PEX5L: variants seen among roughly 807,000 people sequenced by gnomAD.
The protein encoded by PEX5L is peroxisomal biogenesis factor 5 like, also known as PEX5-related protein.
Under a neutral mutation model 84.0 loss-of-function variants are expected in PEX5L, and 30 were observed. The observed-to-expected ratio is 0.36, with a 90% CI of 0.27 to 0.48. The LOEUF is 0.48. Ranked by LOEUF, PEX5L falls within the 20% of genes least tolerant of loss-of-function variation. The probability of loss-of-function intolerance (pLI) is 0.99; values close to 1 mark genes in which losing one functional copy is unlikely to be tolerated. For synonymous variants in PEX5L, 270 were observed against 283.1 expected (o/e 0.95, Z 0.46); for missense variants, 533 against 754.6 (o/e 0.71, Z 3.44).
intron 7 of PEX5L, among the ~76,000 whole-genome samples, chr3:179,864,007 G>A (rs1399526780): frequency 1.3e-5 from 2 of 152,044 alleles, no homozygotes; most frequent in African/African-American, 4.8e-5. Flanking sequence ...GAGTTTCCCT[G>A]CACAAGCTCT....
At position 179,986,398 on chromosome 3, in the gene PEX5L, T is replaced by C. The variant is rs1042757148; in HGVS notation, c.22-14733A>G. ...ATGGAAAGTCCTAACCATTTAGTAA[T>C]TTTTTTTTTTTTTTTTTTTTTTGAG... On this transcript the variant is annotated intron_variant, in intron 1 of 14. Coordinates refer to ENST00000467460, the MANE Select transcript of PEX5L (RefSeq NM_016559.3). 1.9e-4 allele frequency among the ~76,000 whole-genome samples: 5 copies of C among 26,406 alleles called. No individual in the cohort carries two copies. In the African/African-American group the frequency reaches 2.5e-3, roughly 13 times the overall value. 17.3% of individuals were successfully genotyped at this position (26,406 alleles called of 152,430 possible).
At chr3:180,002,111 G>A (rs1280612516) in intron 1 of PEX5L, among the ~76,000 whole-genome samples, 3 of 152,050 alleles carry the variant, frequency 2.0e-5, no homozygotes, top group Admixed American at 6.6e-5. Flanking sequence ...AGGTATGAAT[G>A]TACCATGAAC....
Position 179,829,143 on chromosome 3 carries a change from T to C in PEX5L, c.823-9167A>G, listed in dbSNP as rs1731691678. Among the ~76,000 whole-genome samples, 7 of 152,112 alleles carry C rather than the reference T, an allele frequency of 4.6e-5. No homozygotes were observed. The South Asian group carries it at 1.4e-3, about 32-fold the overall frequency. On this transcript the variant is annotated intron_variant, in intron 8 of 14. Transcript: ENST00000467460. ...ACATGAAAAAATGAAAACAGTTAAT[T>C]TATTAGTCTAGTGGGATTGCTGGGG...
At chr3:179,940,339 G>A (rs1206460540) in intron 2 of PEX5L, among the ~76,000 whole-genome samples, 2 of 151,992 alleles carry the variant, frequency 1.3e-5, no homozygotes, top group African/African-American at 4.8e-5. Flanking sequence ...AAGAGGTGGT[G>A]AGAGAGAGAG....
Position 179,795,200 on chromosome 3 carries a change from C to T in PEX5L, c.*6628G>A, listed in dbSNP as rs1375116305. 1 of 152,102 alleles carries T rather than the reference C, an allele frequency of 6.6e-6. No homozygotes were observed. The highest frequency in any genetic ancestry group is 1.5e-5 in the Non-Finnish European group (1 of 68,016). 9.4% of individuals were successfully genotyped at this position (152,102 alleles called of 1,614,324 possible). ...CCATTTGATCAGAAGGAGTTCTGAT[C>T]CCCAAATCCCATTTTGAAAGATTCC... On this transcript the variant is annotated 3_prime_UTR_variant, in exon 15 of 15. Coordinates refer to ENST00000467460, the MANE Select transcript of PEX5L (RefSeq NM_016559.3).
intron 3 of PEX5L, among the ~76,000 whole-genome samples, chr3:179,891,961 A>G (rs759068621): frequency 6.6e-6 from 1 of 152,176 alleles, no homozygotes; most frequent in Non-Finnish European, 1.5e-5. Flanking sequence ...CATTAGTAGG[A>G]TAAGGTTTCT....
intron 3 of PEX5L, among the ~76,000 whole-genome samples, chr3:179,894,962 G>A (rs1016499739): frequency 2.0e-5 from 3 of 152,032 alleles, no homozygotes; most frequent in Admixed American, 2.0e-4. Flanking sequence ...AAGAGAATAC[G>A]TTTATTTCTA....
At chr3:179,892,146 T>C (rs1193678150) in intron 3 of PEX5L, among the ~76,000 whole-genome samples, 6 of 152,108 alleles carry the variant, frequency 3.9e-5, no homozygotes. Flanking sequence ...CATAGCTGAG[T>C]TAAAATGACC....
intron 2 of PEX5L, among the ~76,000 whole-genome samples, chr3:179,931,603 A>G (rs1282554994): frequency 1.3e-5 from 2 of 152,144 alleles, no homozygotes; most frequent in Non-Finnish European, 2.9e-5. Context: ...GTTCTGATGT[A>G]TTTAAATTAT....
chr3:179,869,194 G>A (rs1422109210), intron 7 of PEX5L, among the ~76,000 whole-genome samples: 1 of 152,166 alleles, frequency 6.6e-6, no homozygotes, highest in Non-Finnish European at 1.5e-5. Flanking sequence ...GCAAAAGCCT[G>A]TCTTGGAGCT....
chr3:179,999,295 G>A (rs1788175408), intron 1 of PEX5L, among the ~76,000 whole-genome samples: 1 of 152,332 alleles, frequency 6.6e-6, no homozygotes, highest in East Asian at 1.9e-4. Flanking sequence ...AGAGGAGGAT[G>A]TTAATAATCA....
At position 179,875,341 on chromosome 3, in the gene PEX5L, T is replaced by C. The variant is rs781075915; in HGVS notation, c.629+13A>G. 1.2e-6 allele frequency: 2 copies of C among 1,613,800 alleles called. No homozygotes were observed. The highest frequency in any genetic ancestry group is 1.7e-6 in the Non-Finnish European group (2 of 1,179,738). On this transcript the variant is annotated intron_variant, in intron 6 of 14. Transcript: ENST00000467460. ...TACATAAATGGCCGTTTTCTGGTAT[T>C]AAAATACCTTACCATAAGAGCTCTT...
chr3:179,855,294 A>G (rs1743493684), intron 8 of PEX5L, among the ~76,000 whole-genome samples: 1 of 152,212 alleles, frequency 6.6e-6, no homozygotes, highest in South Asian at 2.1e-4. Context: ...GGAAAAATTC[A>G]ACTTGCTCCA....
At chr3:179,865,271 T>C (rs1043639279) in intron 7 of PEX5L, among the ~76,000 whole-genome samples, 2 of 152,134 alleles carry the variant, frequency 1.3e-5, no homozygotes, top group African/African-American at 4.8e-5. Flanking sequence ...TTAAGAAGAG[T>C]GTTATCTATG....
At chr3:179,851,573 T>G (rs371384480) in intron 8 of PEX5L, among the ~76,000 whole-genome samples, 3 of 152,354 alleles carry the variant, frequency 2.0e-5, no homozygotes, top group Admixed American at 6.5e-5. Context: ...CATGTTCTTA[T>G]AACAGTAATT....
At chr3:179,802,108 T>C (rs1719073600) in intron 14 of PEX5L, 76 bp from the exon 15 acceptor site, 12 of 996,356 alleles carry the variant, frequency 1.2e-5, no homozygotes, top group Non-Finnish European at 1.9e-5. Flanking sequence ...CAAAACAAAA[T>C]TGGATTAAGT....
At chr3:179,862,911 G>A (rs1276000125) in intron 7 of PEX5L, among the ~76,000 whole-genome samples, 1 of 152,020 alleles carries the variant, frequency 6.6e-6, no homozygotes, top group African/African-American at 2.4e-5. Flanking sequence ...CAACATTGGA[G>A]GGATAACACT....
chr3:180,004,924 G>A (rs528796820), intron 1 of PEX5L, among the ~76,000 whole-genome samples: 3 of 152,020 alleles, frequency 2.0e-5, no homozygotes, highest in Admixed American at 6.6e-5. Flanking sequence ...ATTGATCTTA[G>A]GTAAAATTTT....
chr3:180,001,634 C>T (rs1260194284), intron 1 of PEX5L, among the ~76,000 whole-genome samples: 2 of 151,852 alleles, frequency 1.3e-5, no homozygotes, highest in Admixed American at 6.6e-5. Flanking sequence ...CAAGTAATAA[C>T]CTGTGAATTT....
Sources: gnomAD v4.1 joint callset for allele counts (sites outside exome capture counted in the v4.1 genomes callset) on GRCh38, gnomAD v4.1.1 for gene constraint, MANE v1.5 for transcripts, NCBI Gene and HGNC (gene_info 2026-07-23, HGNC 2026-07-21) for gene names.